The following STK3 variants were observed in gnomAD, a reference collection of about 807,000 sequenced individuals.
STK3 encodes serine/threonine-protein kinase 3.
A neutral mutation model predicts 58.0 loss-of-function variants in STK3; 41 were observed. That is an observed-to-expected ratio of 0.71 (90% CI 0.55 to 0.92). The LOEUF is 0.92. STK3 is among the 40% of genes least tolerant of loss of function. The probability of loss-of-function intolerance (pLI) is 0.00; values close to 1 mark genes in which losing one functional copy is unlikely to be tolerated. For missense variants in STK3, 479 were observed against 602.7 expected, an observed-to-expected ratio of 0.79 and a Z score of 2.15; for synonymous variants, 170 against 191.0, an observed-to-expected ratio of 0.89 and a Z score of 0.91.
At chr8:98,555,666 C>G (rs918738970) in intron 8 of STK3, among the ~76,000 whole-genome samples, 4 of 151,970 alleles carry the variant, frequency 2.6e-5, no homozygotes, top group African/African-American at 4.8e-5. Context: ...CAGAAAAAAA[C>G]GTGTAAAATA....
At chr8:98,424,805 T>C (rs1167358614) in intron 3 of STK3, among the ~76,000 whole-genome samples, 1 of 152,096 alleles carries the variant, frequency 6.6e-6, no homozygotes, top group African/African-American at 2.4e-5. Flanking sequence ...TAAACCAGAA[T>C]AGCCAGGAGC....
intron 1 of STK3, among the ~76,000 whole-genome samples, chr8:98,887,243 T>C (rs1025068118): frequency 9.2e-5 from 14 of 152,268 alleles, no homozygotes; most frequent in Non-Finnish European, 4.4e-5. Flanking sequence ...AACCATCCAT[T>C]TTCCCCCCGA....
At chr8:98,897,350 G>A (rs1478858053) in intron 1 of STK3, among the ~76,000 whole-genome samples, 1 of 152,174 alleles carries the variant, frequency 6.6e-6, no homozygotes, top group Non-Finnish European at 1.5e-5. Context: ...GAGGTCAGGA[G>A]ATCAAGACCA....
chr8:98,921,627 C>T (rs1204606249), intron 1 of STK3: 2 of 152,230 alleles, frequency 1.3e-5, no homozygotes, highest in Non-Finnish European at 2.9e-5. Flanking sequence ...CACTGGGTCC[C>T]TTGTGGCAAA....
At chr8:98,905,282 C>T (rs113881395) in intron 1 of STK3, 17 of 827,276 alleles carry the variant, frequency 2.1e-5, no homozygotes, top group African/African-American at 3.3e-5. Flanking sequence ...AGGCCCCTGA[C>T]GGTCTCACTG....
At chr8:98,840,307 A>G (rs907164196) in intron 3 of STK3, among the ~76,000 whole-genome samples, 2 of 144,752 alleles carry the variant, frequency 1.4e-5, no homozygotes, top group African/African-American at 5.2e-5. Flanking sequence ...AGAACGCACC[A>G]CTCCACTGCA....
chr8:98,424,997 G>A (rs1221501343), intron 3 of STK3, among the ~76,000 whole-genome samples: 2 of 152,196 alleles, frequency 1.3e-5, no homozygotes, highest in African/African-American at 2.4e-5. Flanking sequence ...TCAGGCCCCT[G>A]CAGCAGAGAC....
chr8:98,818,272 T>C (rs1834674615), intron 1 of STK3, among the ~76,000 whole-genome samples: 1 of 152,210 alleles, frequency 6.6e-6, no homozygotes. Flanking sequence ...CAAGAGTGTA[T>C]GTTATATGAG....
intron 4 of STK3, among the ~76,000 whole-genome samples, chr8:98,745,943 T>C (rs544838301): frequency 1.1e-4 from 16 of 152,360 alleles, no homozygotes; most frequent in Non-Finnish European, 2.4e-4. Flanking sequence ...CTGTGTAGCA[T>C]GTTACCGTAC....
At chr8:98,478,227 C>G (rs2131264585) in intron 10 of STK3, among the ~76,000 whole-genome samples, 1 of 152,286 alleles carries the variant, frequency 6.6e-6, no homozygotes, top group Non-Finnish European at 1.5e-5. Context: ...CTGCCCCTCA[C>G]TCACAAGGTG....
intron 3 of STK3, among the ~76,000 whole-genome samples, chr8:98,761,906 G>A (rs1043786215): frequency 3.9e-5 from 6 of 152,140 alleles, no homozygotes; most frequent in African/African-American, 1.4e-4. Context: ...AAATAGAACA[G>A]GTAAGAATGT....
the STK3 span, among the ~76,000 whole-genome samples, chr8:98,351,895 C>G: frequency 2.0e-5 from 3 of 152,282 alleles, no homozygotes; most frequent in South Asian, 6.2e-4. Context: ...CGTGGTGCCT[C>G]ACGCCTGTAA....
At chr8:98,734,425 A>G (rs1255673233) in intron 4 of STK3, among the ~76,000 whole-genome samples, 1 of 152,190 alleles carries the variant, frequency 6.6e-6, no homozygotes, top group Non-Finnish European at 1.5e-5. Flanking sequence ...TTTCTCCTAT[A>G]CTAGGTTGAA....
chr8:98,448,328 T>C (rs962541886), intron 1 of STK3, among the ~76,000 whole-genome samples: 1 of 152,188 alleles, frequency 6.6e-6, no homozygotes, highest in African/African-American at 2.4e-5. Context: ...ACTGATTGAT[T>C]AATAATGAAA....
At chr8:98,434,924 C>T (rs1203267745) in intron 2 of STK3, among the ~76,000 whole-genome samples, 1 of 152,212 alleles carries the variant, frequency 6.6e-6, no homozygotes, top group Non-Finnish European at 1.5e-5. Flanking sequence ...TATTCTAGGC[C>T]TTCCATTGAG....
At chr8:98,751,877 T>C (rs552036002) in intron 3 of STK3, among the ~76,000 whole-genome samples, 10 of 151,918 alleles carry the variant, frequency 6.6e-5, no homozygotes, top group African/African-American at 2.4e-4. Flanking sequence ...GAGGCGGAGG[T>C]TGCAGTGAGC....
chr8:98,807,053 C>T (rs1833928243), intron 1 of STK3, among the ~76,000 whole-genome samples: 1 of 149,816 alleles, frequency 6.7e-6, no homozygotes, highest in African/African-American at 2.5e-5. Flanking sequence ...ACTTGGGAGG[C>T]TGAGGCAGGA....
At chr8:98,574,503 GC>G (rs1813225105) in intron 8 of STK3, among the ~76,000 whole-genome samples, 1 of 152,074 alleles carries the variant, frequency 6.6e-6, no homozygotes, top group Non-Finnish European at 1.5e-5. Flanking sequence ...AAGCTTAAAG[GC>G]ATTGTCCCTG....
Position 98,706,611 on chromosome 8 carries a change from A to G in STK3, c.540T>C (p.Thr180=), listed in dbSNP as rs985067424. 4 of 1,604,230 alleles carry G rather than the reference A, an allele frequency of 2.5e-6. No homozygotes were observed. The highest frequency in any genetic ancestry group is 3.4e-6 in the Non-Finnish European group (4 of 1,176,634). The change falls in exon 6 of 11, where the codon ACT becomes ACC. Residue 180 remains threonine (T), a synonymous_variant. Transcript: ENST00000419617. ...CCATCCAAAATGGAGTTCCTATTAC[A>G]GTATTGCGTTTTGCCATTGTATCCT... The part of the protein sequence containing the change: ...QLTDTMAKRN[T]VIGTPFWMAP...
Sources: gnomAD v4.1 joint callset for allele counts (sites outside exome capture counted in the v4.1 genomes callset) on GRCh38, gnomAD v4.1.1 for gene constraint, MANE v1.5 for transcripts, NCBI Gene and HGNC (gene_info 2026-07-23, HGNC 2026-07-21) for gene names.